The following PARVG variants were observed in gnomAD, a reference collection of about 807,000 sequenced individuals.
PARVG encodes gamma-parvin.
In PARVG, 36 loss-of-function variants were observed where a neutral mutation model predicts 44.4. That is an observed-to-expected ratio of 0.81 (90% CI 0.62 to 1.07). PARVG has a LOEUF of 1.07. Among genes scored for constraint, PARVG ranks in the 50% least tolerant of loss-of-function variants. The pLI, the probability that PARVG is intolerant of heterozygous loss-of-function variation, is 0.00. For synonymous variants in PARVG, 170 were observed against 174.1 expected (o/e 0.98, Z 0.19); for missense variants, 407 against 407.4 (o/e 1.00, Z 0.01).
Position 44,181,189 on chromosome 22 carries a change from T to A in PARVG, c.-189+4T>A. The A allele has an allele frequency of 2.5e-6, 1 of 406,548 alleles. No individual in the cohort carries two copies. The highest frequency in any genetic ancestry group is 3.3e-6 in the Non-Finnish European group (1 of 300,650). 25.2% of individuals were successfully genotyped at this position (406,548 alleles called of 1,614,324 possible). A position where few individuals can be genotyped will look rare whatever the true frequency, so the allele number is the denominator to read the frequency against. ...CCAAGCATTGTTCTAGACACGGGTA[T>A]GTAACCGCGATTGAGAGAGACAGAC... On this transcript the variant is annotated splice_donor_region_variant and intron_variant, in intron 1 of 13. Transcript: ENST00000444313.
chr22:44,205,137 A>T (rs2054762297), intron 12 of PARVG, among the ~76,000 whole-genome samples: 1 of 152,172 alleles, frequency 6.6e-6, no homozygotes, highest in Non-Finnish European at 1.5e-5. Flanking sequence ...ACCCCAGGCA[A>T]GGGGTGGCGG....
In PARVG at chr22:44,182,984, G is replaced by A. The variant is rs2054405488; in HGVS notation, c.-12-334G>A. 1 of 304,158 alleles carries A rather than the reference G, an allele frequency of 3.3e-6. No homozygotes were observed. The highest frequency in any genetic ancestry group is 3.6e-5 in the South Asian group (1 of 28,160). 18.8% of individuals were successfully genotyped at this position (304,158 alleles called of 1,614,324 possible). ...TACTTTGTCCTGTCTGGGATAGGGT[G>A]GGGGGTCCCTGGGTAGGGGGCTGGG... On this transcript the variant is annotated intron_variant, in intron 2 of 13. Coordinates refer to ENST00000444313, the MANE Select transcript of PARVG (RefSeq NM_022141.7). The surrounding 1 kb of genome is among the most constrained non-coding windows in gnomAD (Gnocchi z 4.6).
At chr22:44,199,104 C>A (rs1392458447) in intron 12 of PARVG, among the ~76,000 whole-genome samples, 1 of 151,094 alleles carries the variant, frequency 6.6e-6, no homozygotes, top group Non-Finnish European at 1.5e-5. Context: ...CATTTAACTG[C>A]CTACCTGTCC....
At position 44,198,771 on chromosome 22, in the gene PARVG, A is replaced by T. The variant is rs375315396; in HGVS notation, c.813+49A>T. 46 of 1,418,534 alleles carry T rather than the reference A, an allele frequency of 3.2e-5. No homozygotes were observed. In the African/African-American group the frequency reaches 6.3e-4, roughly 19 times the overall value. The allele number at this position is 1,418,534 out of a possible 1,614,324, so 87.9% of individuals were successfully genotyped here. On this transcript the variant is annotated intron_variant, in intron 12 of 13. Coordinates refer to ENST00000444313, the MANE Select transcript of PARVG (RefSeq NM_022141.7). ...TTATGGTCTACCTCTAGGTGAACAG[A>T]TATACAGAACTGGCATGACCAGTCT...
rs779121270 is a variant in PARVG at position 44,197,154 on chromosome 22, C to G, written c.711+739C>G. Among the ~76,000 whole-genome samples, 110 of 152,124 alleles carry G rather than the reference C, an allele frequency of 7.2e-4. 1 individual carries two copies. The highest frequency in any genetic ancestry group is 1.5e-3 in the Non-Finnish European group (102 of 68,016). ...CTGGGGTGGGGAGGGAGTCTGGTCC[C>G]AGATGGACCAGTTGGCTCATGAAGA... On this transcript the variant is annotated intron_variant, in intron 11 of 13. Coordinates refer to ENST00000444313, the MANE Select transcript of PARVG (RefSeq NM_022141.7).
chr22:44,198,941 C>CCGT (rs1601745359), intron 12 of PARVG, among the ~76,000 whole-genome samples: 1 of 22,662 alleles, frequency 4.4e-5, no homozygotes, highest in Non-Finnish European at 1.2e-4. Flanking sequence ...CATCCATCCA[C>CCGT]CCACCCATCC....
rs980198250 is a variant in PARVG at position 44,198,818 on chromosome 22, G to A, written c.813+96G>A. 14 of 973,942 alleles carry A rather than the reference G, an allele frequency of 1.4e-5. No homozygotes were observed. In the African/African-American group the frequency reaches 1.8e-4, roughly 12 times the overall value. The allele number at this position is 973,942 out of a possible 1,614,324, so 60.3% of individuals were successfully genotyped here. The stretch of plus-strand genomic sequence containing the variant: ...GTCTGTTTATTCACTTCCAGGTGAA[G>A]TGAAGGGTGTAGGGGAAGCTTATTT... On this transcript the variant is annotated intron_variant, in intron 12 of 13. Coordinates refer to ENST00000444313, the MANE Select transcript of PARVG (RefSeq NM_022141.7).
intron 3 of PARVG, chr22:44,183,622 G>C: frequency 1.9e-6 from 1 of 516,402 alleles, no homozygotes; most frequent in Middle Eastern, 4.9e-4. Context: ...ATGAGAGACG[G>C]TGTGGATTAC....
chr22:44,205,661 C>T (rs866379660), intron 12 of PARVG, 96 bp from the exon 13 acceptor site: 4 of 1,424,102 alleles, frequency 2.8e-6, no homozygotes, highest in Middle Eastern at 1.8e-4. Flanking sequence ...TCATGATGGA[C>T]ATCACAGACA....
At chr22:44,198,973 T>TCCACCCAC (rs2054665984) in intron 12 of PARVG, among the ~76,000 whole-genome samples, 6 of 34,718 alleles carry the variant, frequency 1.7e-4, no homozygotes, top group African/African-American at 2.8e-4. Context: ...CATCCATCCA[T>TCCACCCAC]CCATCCATCC....
intron 3 of PARVG, chr22:44,183,672 GA>G: frequency 2.2e-6 from 1 of 445,872 alleles, no homozygotes. Flanking sequence ...TGAGCCTTCT[GA>G]GTGCCCCTAC....
At chr22:44,187,744 C>T in intron 4 of PARVG, 32 bp from the exon 5 acceptor site, 2 of 1,606,976 alleles carry the variant, frequency 1.2e-6, no homozygotes, top group Non-Finnish European at 1.7e-6. Flanking sequence ...AAGTCTCCAT[C>T]CCCCCAAAAG....
chr22:44,182,966 T>C lies in PARVG; in HGVS notation c.-12-352T>C. On this transcript the variant is annotated intron_variant, in intron 2 of 13. Coordinates refer to ENST00000444313, the MANE Select transcript of PARVG (RefSeq NM_022141.7). The surrounding 1 kb of genome is among the most constrained non-coding windows in gnomAD (Gnocchi z 4.6). Reference sequence around the variant, plus strand: ...TGAGGAGTGAGCTGTACCTACTTTGTCCTGTCTGGGATAGGGTGGGGGGTC... The same window carrying C: ...TGAGGAGTGAGCTGTACCTACTTTGCCCTGTCTGGGATAGGGTGGGGGGTC... 3.5e-6 allele frequency: 1 copy of C among 284,248 alleles called. No homozygotes were observed. The highest frequency in any genetic ancestry group is 6.6e-6 in the Non-Finnish European group (1 of 151,214). The allele number at this position is 284,248 out of a possible 1,614,324, so 17.6% of individuals were successfully genotyped here. A position where few individuals can be genotyped will look rare whatever the true frequency, so the allele number is the denominator to read the frequency against.
chr22:44,174,467 G>A (rs978845700), intron 1 of PARVG, among the ~76,000 whole-genome samples: 7 of 152,062 alleles, frequency 4.6e-5, no homozygotes, highest in African/African-American at 1.7e-4. Context: ...AGCACTTTGG[G>A]AGGCCGAGGT....
chr22:44,176,304 A>G (rs544318997), upstream of PARVG, among the ~76,000 whole-genome samples: 4 of 152,218 alleles, frequency 2.6e-5, no homozygotes, highest in Non-Finnish European at 5.9e-5. Context: ...ATTACTTATG[A>G]TACCTAATAC....
upstream of PARVG, among the ~76,000 whole-genome samples, chr22:44,177,733 A>G (rs1406768224): frequency 6.6e-6 from 1 of 152,188 alleles, no homozygotes; most frequent in Non-Finnish European, 1.5e-5. Context: ...AATTTTGATT[A>G]CTTAGCATGT....
chr22:44,188,635 TC>T (rs748197412), intron 5 of PARVG: 69 of 172,228 alleles, frequency 4.0e-4, no homozygotes, highest in Non-Finnish European at 7.8e-4. Flanking sequence ...GCTGTTACTG[TC>T]CCCATTTCAC....
At chr22:44,191,907 C>A (rs1050248898) in intron 7 of PARVG, 142 bp from the exon 8 acceptor site, 8 of 930,122 alleles carry the variant, frequency 8.6e-6, no homozygotes, top group Non-Finnish European at 1.3e-5. Flanking sequence ...CATCCCCAAC[C>A]TCAAGACTCC....
intron 7 of PARVG, among the ~76,000 whole-genome samples, chr22:44,191,227 CA>C (rs1365361332): frequency 6.6e-6 from 1 of 151,978 alleles, no homozygotes. Flanking sequence ...CTCTGAGCAT[CA>C]CAATAGGGGG....
Sources: gnomAD v4.1 joint callset for allele counts (sites outside exome capture counted in the v4.1 genomes callset) on GRCh38, gnomAD v4.1.1 for gene constraint, Gnocchi (gnomAD v3.1) non-coding constraint, MANE v1.5 for transcripts, NCBI Gene and HGNC (gene_info 2026-07-23, HGNC 2026-07-21) for gene names.